The following CFAP54 variants were observed in gnomAD, a reference collection of about 807,000 sequenced individuals.
CFAP54 encodes cilia- and flagella-associated protein 54.
CFAP54 carries 290 observed loss-of-function variants against 370.4 expected under a neutral mutation model. The observed-to-expected ratio is 0.78, with a 90% CI of 0.71 to 0.86. The LOEUF (loss-of-function observed/expected upper bound fraction) is 0.86. CFAP54 is among the 40% of genes least tolerant of loss of function. CFAP54 has a pLI of 0.00. For missense variants in CFAP54, 3,399 were observed against 3,528.7 expected (o/e 0.96, Z 0.93); for synonymous variants, 1,206 against 1,236.5 (o/e 0.98, Z 0.52).
chr12:96,850,273 C>A (rs1959501073), intron 66 of CFAP54, among the ~76,000 whole-genome samples: 2 of 150,856 alleles, frequency 1.3e-5, no homozygotes. Flanking sequence ...GGACAATGGC[C>A]TCCCAGGAGG....
intron 48 of CFAP54, among the ~76,000 whole-genome samples, chr12:96,716,970 GAGA>G (rs2136603676): frequency 6.6e-6 from 1 of 152,306 alleles, no homozygotes; most frequent in East Asian, 1.9e-4. Context: ...CTATGCAATG[GAGA>G]AGGTGAAGTC....
At chr12:96,530,335 C>G (rs1019441902) in intron 9 of CFAP54, among the ~76,000 whole-genome samples, 9 of 152,160 alleles carry the variant, frequency 5.9e-5, no homozygotes, top group African/African-American at 1.7e-4. Context: ...ACTAAAAATA[C>G]AAGAATTAGC....
Position 96,817,878 on chromosome 12 carries a change from G to C in CFAP54, c.9061G>C (p.Glu3021Gln). ...CTCAAATGAAAACATATATGAAGTA[G>C]AAGTGGAAGAGGAATCAGTTGATAA... ...ITSNENIYEV[E>Q]VEEESVDNEM... Residue 3021 changes from glutamate (E) to glutamine (Q), a missense_variant, in exon 65 of 68, where the codon GAA becomes CAA. By Grantham distance (29) the Glu-to-Gln change is conservative. Coordinates refer to ENST00000524981, the MANE Select transcript of CFAP54 (RefSeq NM_001306084.2). The C allele has an allele frequency of 1.3e-6, 2 of 1,505,308 alleles. No individual in the cohort carries two copies. Among genetic ancestry groups the C allele is most frequent in the Non-Finnish European group, 1.8e-6 (2 of 1,130,700 alleles). The allele number at this position is 1,505,308 out of a possible 1,614,324, so 93.2% of individuals were successfully genotyped here.
intron 55 of CFAP54, among the ~76,000 whole-genome samples, chr12:96,752,975 C>A (rs1170383522): frequency 1.3e-5 from 2 of 152,200 alleles, no homozygotes; most frequent in Non-Finnish European, 2.9e-5. Flanking sequence ...ATGGTGCCCA[C>A]TCAGAGTTGC....
intron 42 of CFAP54, among the ~76,000 whole-genome samples, chr12:96,685,957 A>G (rs950323432): frequency 1.3e-5 from 2 of 152,110 alleles, no homozygotes; most frequent in Non-Finnish European, 2.9e-5. Context: ...TGTACTAGAA[A>G]CCAGTTACTT....
At chr12:96,571,131 CCATTGCA>C (rs969418593) in intron 19 of CFAP54, among the ~76,000 whole-genome samples, 3 of 152,174 alleles carry the variant, frequency 2.0e-5, no homozygotes, top group Non-Finnish European at 4.4e-5. Flanking sequence ...CCTCAAGATT[CCATTGCA>C]TCTTTCCATT....
chr12:96,522,101 T>C lies in CFAP54; in HGVS notation c.1070T>C (p.Ile357Thr), dbSNP rs1056524615. ...TTTTTGAGGCAGATGGCAGTGATGA[T>C]CTTCAAAAGAGGAGTCTTTGAATCT... ...REATMKMAVM[I>T]FKRGVFESRR... is the part of the protein sequence containing the mutation. The change falls in exon 8 of 68, where the codon ATC (isoleucine) becomes ACC (threonine). Residue 357 changes from isoleucine (I) to threonine (T), a missense_variant. Ile to Thr is a moderately conservative substitution (Grantham distance 89, BLOSUM62 -1). Transcript: ENST00000524981. The C allele has an allele frequency of 6.5e-6, 10 of 1,535,406 alleles. No homozygotes were observed. The highest frequency in any genetic ancestry group is 1.2e-5 in the South Asian group (1 of 83,826).
chr12:96,527,224 C>CTT, intron 8 of CFAP54, 22 bp from the exon 9 acceptor site: 32 of 1,358,082 alleles, frequency 2.4e-5, no homozygotes, highest in Middle Eastern at 1.9e-4. Flanking sequence ...ATGGACTGAA[C>CTT]TTTTTTTTTT....
intron 66 of CFAP54, among the ~76,000 whole-genome samples, chr12:96,850,705 TA>T (rs76147645): frequency 0.13 from 19,645 of 152,156 alleles, 1,581 homozygotes; most frequent in Middle Eastern, 0.19. Flanking sequence ...AAAGGAGGTT[TA>T]ATTGACTCAC....
chr12:96,664,783 A>ATATCTATATCTATATCTATATC (rs1565934522), intron 39 of CFAP54, among the ~76,000 whole-genome samples: 1 of 14,808 alleles, frequency 6.8e-5, no homozygotes, highest in African/African-American at 3.0e-4. Flanking sequence ...ATATCTATAT[A>ATATCTATATCTATATCTATATC]TATATATATA....
intron 5 of CFAP54, among the ~76,000 whole-genome samples, chr12:96,518,467 A>G (rs1327370304): frequency 6.6e-6 from 1 of 152,198 alleles, no homozygotes; most frequent in African/African-American, 2.4e-5. Flanking sequence ...CGGGTGGATC[A>G]CTTGAGGTCA....
At chr12:96,494,067 T>G (rs1954919885) in intron 1 of CFAP54, among the ~76,000 whole-genome samples, 1 of 152,080 alleles carries the variant, frequency 6.6e-6, no homozygotes, top group African/African-American at 2.4e-5. Context: ...GGGATTTGAC[T>G]AGCCAAACAG....
Position 96,720,509 on chromosome 12 carries a change from G to A in CFAP54, c.6909G>A (p.Val2303=). ...CCGCTGGCGAGCTGGAGATTGTGGT[G>A]GAGGCCCGGCTTCAGCTGGCTGCAG... The part of the protein sequence containing the change: ...QCSAGELEIV[V]EARLQLAAVA... Residue 2303 remains valine, a synonymous_variant, in exon 50 of 68, where the codon GTG becomes GTA. Coordinates refer to ENST00000524981, the MANE Select transcript of CFAP54 (RefSeq NM_001306084.2). 1 of 1,596,604 alleles carries A rather than the reference G, an allele frequency of 6.3e-7. No homozygotes were observed. The highest frequency in any genetic ancestry group is 8.6e-7 in the Non-Finnish European group (1 of 1,169,560).
intron 56 of CFAP54, among the ~76,000 whole-genome samples, chr12:96,754,345 A>G (rs1191030910): frequency 2.0e-5 from 3 of 152,224 alleles, no homozygotes; most frequent in African/African-American, 7.2e-5. Context: ...AAACTTATAT[A>G]TAACACCTAT....
intron 67 of CFAP54, among the ~76,000 whole-genome samples, chr12:96,868,571 T>C (rs1393095866): frequency 6.6e-6 from 1 of 152,166 alleles, no homozygotes; most frequent in Non-Finnish European, 1.5e-5. Flanking sequence ...ATTTTTTAAA[T>C]TGTGGCAGTC....
chr12:96,817,240 T>C (rs1242112111), intron 64 of CFAP54, among the ~76,000 whole-genome samples: 2 of 152,236 alleles, frequency 1.3e-5, no homozygotes, highest in Non-Finnish European at 2.9e-5. Context: ...TTTCTAATTA[T>C]ATTTTTATCT....
intron 8 of CFAP54, among the ~76,000 whole-genome samples, chr12:96,524,448 G>T (rs1472838499): frequency 6.6e-6 from 1 of 152,134 alleles, no homozygotes. Flanking sequence ...AGCTATCATT[G>T]TTTATTTATT....
Position 96,662,623 on chromosome 12 carries a change from T to A in CFAP54, c.5461-1207T>A, listed in dbSNP as rs574718140. ...CACCCTATTCAGAGTAAAGTGAACATCTTTATCATGACCTTAATATAACTT... is the reference window on the plus strand; with the variant it reads ...CACCCTATTCAGAGTAAAGTGAACAACTTTATCATGACCTTAATATAACTT... On this transcript the variant is annotated intron_variant, in intron 38 of 67. Transcript: ENST00000524981. Among the ~76,000 whole-genome samples, 31 of 152,308 alleles carry A rather than the reference T, an allele frequency of 2.0e-4. No homozygotes were observed. In the South Asian group the frequency reaches 6.2e-3, roughly 31 times the overall value.
intron 45 of CFAP54, among the ~76,000 whole-genome samples, chr12:96,698,125 T>C (rs1308402734): frequency 2.6e-5 from 4 of 152,192 alleles, no homozygotes; most frequent in Non-Finnish European, 5.9e-5. Flanking sequence ...TATATCTTCA[T>C]GTGTCACTGA....
Sources: gnomAD v4.1 joint callset for allele counts (sites outside exome capture counted in the v4.1 genomes callset) on GRCh38, gnomAD v4.1.1 for gene constraint, MANE v1.5 for transcripts, NCBI Gene and HGNC (gene_info 2026-07-23, HGNC 2026-07-21) for gene names.